WWOX: variants seen among roughly 807,000 people sequenced by gnomAD.
WWOX encodes WW domain-containing oxidoreductase.
WWOX carries 69 observed loss-of-function variants against 46.2 expected under a neutral mutation model. The ratio of observed to expected loss-of-function variants is 1.49; its 90% CI spans 1.23 to 1.82. The LOEUF (loss-of-function observed/expected upper bound fraction) is 1.82, where lower values mean the gene tolerates loss of function less well. Among genes scored for constraint, WWOX ranks in the 40% most tolerant of loss-of-function variants. The pLI is 0.00. For synonymous variants in WWOX, 359 were observed against 202.6 expected (o/e 1.77, Z -6.56); for missense variants, 919 against 542.6 (o/e 1.69, Z -6.89).
chr16:78,923,991 T>A (rs941522406), intron 8 of WWOX, among the ~76,000 whole-genome samples: 10 of 151,878 alleles, frequency 6.6e-5, no homozygotes, highest in Non-Finnish European at 1.0e-4. Flanking sequence ...TTGTTTTGTT[T>A]TTTTTAGTAG....
chr16:78,342,056 C>T (rs542405854), intron 5 of WWOX, among the ~76,000 whole-genome samples: 1 of 121,232 alleles, frequency 8.2e-6, no homozygotes, highest in Admixed American at 8.0e-5. Flanking sequence ...ATCAAGGCTA[C>T]AGTGAGCTGC....
intron 6 of WWOX, 117 bp downstream of exon 6, chr16:78,387,065 A>T: frequency 9.8e-7 from 1 of 1,020,376 alleles, no homozygotes; most frequent in Non-Finnish European, 1.5e-6. Flanking sequence ...TCCAAACAGG[A>T]GGCTCATTTA....
Position 78,970,304 on chromosome 16 carries a change from C to A in WWOX, c.1057-241304C>A, listed in dbSNP as rs184941935. ...ATTTTCTTTGATTCTCTGCCCTTCC[C>A]CACTACAGTGTAAACTCCATTTGGA... is the stretch of plus-strand genomic sequence containing the variant. On this transcript the variant is annotated intron_variant, in intron 8 of 8. Coordinates refer to ENST00000566780, the MANE Select transcript of WWOX (RefSeq NM_016373.4). Among the ~76,000 whole-genome samples the A allele has an allele frequency of 6.0e-3, 908 of 152,290 alleles. 1 individual carries two copies. Among genetic ancestry groups the A allele is most frequent in the South Asian group, 0.016 (78 of 4,826 alleles).
At chr16:78,735,447 G>A (rs1422828407) in intron 8 of WWOX, among the ~76,000 whole-genome samples, 1 of 143,504 alleles carries the variant, frequency 7.0e-6, no homozygotes, top group African/African-American at 2.8e-5. Flanking sequence ...CTGATTCTCT[G>A]GAGAACCCTG....
intron 6 of WWOX, among the ~76,000 whole-genome samples, chr16:78,405,086 G>A (rs1000367178): frequency 1.4e-4 from 21 of 152,152 alleles, no homozygotes; most frequent in Admixed American, 3.3e-4. Context: ...CTGATGATGG[G>A]ATGGGAAAAT....
At chr16:78,842,467 T>C (rs1356508655) in intron 8 of WWOX, among the ~76,000 whole-genome samples, 1 of 151,652 alleles carries the variant, frequency 6.6e-6, no homozygotes, top group Non-Finnish European at 1.5e-5. Context: ...CACGCTACTT[T>C]ACTTCAACCT....
intron 8 of WWOX, among the ~76,000 whole-genome samples, chr16:79,210,995 G>T (rs959905698): frequency 3.3e-5 from 5 of 151,122 alleles, no homozygotes; most frequent in East Asian, 3.9e-4. Flanking sequence ...ATGAATTAAT[G>T]TGTTATGTGT....
At chr16:78,454,946 C>G (rs72799923) in intron 8 of WWOX, among the ~76,000 whole-genome samples, 1 of 152,186 alleles carries the variant, frequency 6.6e-6, no homozygotes, top group African/African-American at 2.4e-5. Flanking sequence ...TTGATGTGCT[C>G]CCCTCTGATA....
At chr16:79,055,866 C>T (rs192139671) in intron 8 of WWOX, among the ~76,000 whole-genome samples, 22 of 152,154 alleles carry the variant, frequency 1.4e-4, no homozygotes, top group Non-Finnish European at 7.4e-5. Context: ...AAGCTTTGCT[C>T]TTTATCTTCT....
intron 8 of WWOX, among the ~76,000 whole-genome samples, chr16:78,947,583 C>G (rs576216370): frequency 2.0e-5 from 3 of 152,174 alleles, no homozygotes; most frequent in African/African-American, 7.2e-5. Flanking sequence ...AGGGATGGCC[C>G]TTGATAAGGC....
intron 6 of WWOX, among the ~76,000 whole-genome samples, chr16:78,392,153 G>A (rs1331154614): frequency 1.3e-5 from 2 of 152,052 alleles, no homozygotes; most frequent in African/African-American, 4.8e-5. Context: ...TGAGTGGTGG[G>A]CAAGCATAGG....
intron 8 of WWOX, among the ~76,000 whole-genome samples, chr16:78,482,413 A>G (rs2667565): frequency 0.3 from 45,281 of 151,960 alleles, 9,293 homozygotes; most frequent in African/African-American, 0.59. Context: ...GTTAGACACC[A>G]GGTTTCACCA....
intron 1 of WWOX, 196 bp downstream of exon 1, chr16:78,100,081 G>A (rs1217160635): frequency 2.2e-6 from 3 of 1,386,292 alleles, no homozygotes; most frequent in Non-Finnish European, 2.8e-6. Flanking sequence ...GGGTCCAGCG[G>A]GGGTCACCTG....
chr16:79,203,984 C>G (rs192251566), intron 8 of WWOX: 1 of 152,248 alleles, frequency 6.6e-6, no homozygotes, highest in African/African-American at 2.4e-5. Context: ...TCCTTTAGCA[C>G]GGGCATCAAG....
intron 8 of WWOX, among the ~76,000 whole-genome samples, chr16:79,145,284 A>G (rs554685796): frequency 1.0e-3 from 159 of 152,332 alleles, no homozygotes; most frequent in African/African-American, 3.5e-3. Flanking sequence ...GTCGTGATAA[A>G]GCCAACCAAC....
At chr16:78,285,445 ACT>A (rs2079751349) in intron 5 of WWOX, among the ~76,000 whole-genome samples, 2 of 140,504 alleles carry the variant, frequency 1.4e-5, no homozygotes, top group South Asian at 2.2e-4. Flanking sequence ...AAAAATAAAA[ACT>A]AAAAAAAAAA....
intron 5 of WWOX, among the ~76,000 whole-genome samples, chr16:78,370,161 C>G (rs1218728730): frequency 7.0e-6 from 1 of 143,442 alleles, no homozygotes; most frequent in Non-Finnish European, 1.5e-5. Context: ...GGGCATGGAT[C>G]TAGATGCCAG....
chr16:78,823,974 A>G (rs141820361), intron 8 of WWOX, among the ~76,000 whole-genome samples: 231 of 152,024 alleles, frequency 1.5e-3, no homozygotes, highest in African/African-American at 5.3e-3. Context: ...GGGTCTTCCT[A>G]TGTTGCCCAG....
intron 4 of WWOX, among the ~76,000 whole-genome samples, chr16:78,148,033 C>T (rs1017199040): frequency 1.4e-4 from 21 of 151,934 alleles, no homozygotes; most frequent in South Asian, 6.2e-4. Context: ...GAAAGAGTAA[C>T]GGAGGCCTCA....
Sources: allele counts gnomAD v4.1 joint callset (sites outside exome capture counted in the v4.1 genomes callset), GRCh38; gene constraint gnomAD v4.1.1; transcripts MANE v1.5; gene names NCBI Gene and HGNC (gene_info 2026-07-23, HGNC 2026-07-21).